Variants in ZNF804A observed in about 807,000 individuals in gnomAD.
The protein encoded by ZNF804A is zinc finger protein 804A.
Under a neutral mutation model 16.5 loss-of-function variants are expected in ZNF804A, and 2 were observed. The observed-to-expected ratio is 0.12, with a 90% CI of 0.05 to 0.38. The LOEUF (loss-of-function observed/expected upper bound fraction) is 0.38, where lower values mean the gene tolerates loss of function less well. Among genes scored for constraint, ZNF804A ranks in the 10% least tolerant of loss-of-function variants. The pLI is 0.99. For missense variants in ZNF804A, 1,473 were observed against 1,390.7 expected, an observed-to-expected ratio of 1.06 and a Z score of -0.94; for synonymous variants, 534 against 489.6, an observed-to-expected ratio of 1.09 and a Z score of -1.20.
At chr2:184,876,359 C>G (rs996110329) in intron 2 of ZNF804A, among the ~76,000 whole-genome samples, 3 of 150,334 alleles carry the variant, frequency 2.0e-5, no homozygotes, top group Non-Finnish European at 4.5e-5. Flanking sequence ...ATGCGCAATA[C>G]AATCACTTCA....
Position 184,914,442 on chromosome 2 carries a change from T to G in ZNF804A, c.256-19161T>G, listed in dbSNP as rs1404238967. Among the ~76,000 whole-genome samples the G allele has an allele frequency of 2.0e-5, 3 of 152,294 alleles. No individual in the cohort carries two copies. The East Asian group carries it at 5.8e-4, about 29-fold the overall frequency. ...AGTTTGTATTTAGGAAAATCCCAGT[T>G]ATGGCTTCCCACCAAATAATAAATT... On this transcript the variant is annotated intron_variant, in intron 2 of 3. Transcript: ENST00000302277.
At position 184,721,916 on chromosome 2, in the gene ZNF804A, AATC is replaced by A. The variant is rs760222138; in HGVS notation, c.111+122849_111+122851del. Among the ~76,000 whole-genome samples the A allele has an allele frequency of 1.2e-4, 19 of 152,242 alleles. 1 individual carries two copies. The highest frequency in any genetic ancestry group is 2.1e-4 in the Non-Finnish European group (14 of 67,996). On this transcript the variant is annotated intron_variant, in intron 1 of 3. Transcript: ENST00000302277. ...GGAATTCTAGGTCATAAAAAAATGA[AATC>A]ATGTCATTTGCAGCAACATGAGTGG... is the stretch of plus-strand genomic sequence containing the variant.
rs562068271 is a variant in ZNF804A, at chr2:184,675,798, C to T, written c.111+76728C>T. Among the ~76,000 whole-genome samples, 8 of 151,850 alleles carry T rather than the reference C, an allele frequency of 5.3e-5. No homozygotes were observed. In the South Asian group the frequency reaches 1.7e-3, roughly 31 times the overall value. ...TTGCAGCATCTGTATTCTGCCCCTA[C>T]TATTCCTGTCATTTCTTTTTTCATT... On this transcript the variant is annotated intron_variant, in intron 1 of 3. Coordinates refer to ENST00000302277, the MANE Select transcript of ZNF804A (RefSeq NM_194250.2).
At chr2:184,687,860 T>C (rs958444789) in intron 1 of ZNF804A, among the ~76,000 whole-genome samples, 1 of 152,216 alleles carries the variant, frequency 6.6e-6, no homozygotes, top group Non-Finnish European at 1.5e-5. Context: ...GGTTCACGCC[T>C]GTAATCCCAG....
At chr2:184,682,604 T>C (rs1027496948) in intron 1 of ZNF804A, among the ~76,000 whole-genome samples, 6 of 152,176 alleles carry the variant, frequency 3.9e-5, no homozygotes, top group African/African-American at 1.4e-4. Flanking sequence ...TAGGCAATTG[T>C]AGTACAGTGA....
At chr2:184,849,167 C>G (rs1408314479) in intron 1 of ZNF804A, among the ~76,000 whole-genome samples, 1 of 152,024 alleles carries the variant, frequency 6.6e-6, no homozygotes, top group Non-Finnish European at 1.5e-5. Context: ...TGAGCCCTCA[C>G]CAGCCACAGT....
chr2:184,687,859 C>G (rs1692663360), intron 1 of ZNF804A, among the ~76,000 whole-genome samples: 1 of 152,180 alleles, frequency 6.6e-6, no homozygotes, highest in Non-Finnish European at 1.5e-5. Flanking sequence ...TGGTTCACGC[C>G]TGTAATCCCA....
At chr2:184,662,693 A>G in intron 1 of ZNF804A, among the ~76,000 whole-genome samples, 1 of 152,350 alleles carries the variant, frequency 6.6e-6, no homozygotes, top group South Asian at 2.1e-4. Flanking sequence ...TAGTAAAATA[A>G]TAATTGTACC....
intron 3 of ZNF804A, among the ~76,000 whole-genome samples, chr2:184,934,230 G>A (rs1220391679): frequency 6.6e-6 from 1 of 152,052 alleles, no homozygotes; most frequent in Non-Finnish European, 1.5e-5. Context: ...AATTCTAACT[G>A]GGCTGTTAGA....
rs781028201 is a variant in ZNF804A, at chr2:184,902,935, T to A, written c.256-30668T>A. Among the ~76,000 whole-genome samples the A allele has an allele frequency of 2.3e-4, 35 of 152,304 alleles. 1 individual carries two copies. The South Asian group carries it at 3.3e-3, about 14-fold the overall frequency. On this transcript the variant is annotated intron_variant, in intron 2 of 3. Coordinates refer to ENST00000302277, the MANE Select transcript of ZNF804A (RefSeq NM_194250.2). ...ACAGTTACAAGGTTTAAAATAATTA[T>A]GTCAAATGGATCAAATAAAAAAGAC...
At chr2:184,780,608 G>T (rs1694358152) in intron 1 of ZNF804A, among the ~76,000 whole-genome samples, 4 of 151,744 alleles carry the variant, frequency 2.6e-5, no homozygotes, top group Admixed American at 2.0e-4. Flanking sequence ...GGTTAAACCT[G>T]ATGGGAGTCA....
At chr2:184,625,143 G>T (rs529012475) in intron 1 of ZNF804A, among the ~76,000 whole-genome samples, 2 of 152,252 alleles carry the variant, frequency 1.3e-5, no homozygotes, top group South Asian at 4.1e-4. Context: ...CAGGTTGGCA[G>T]AAGTGGGAGG....
In ZNF804A at chr2:184,638,809, G is replaced by T. The variant is rs1285930004; in HGVS notation, c.111+39739G>T. ...TTTTTATCTTCATCACATAATTGAT[G>T]CTTACCATACACCATTCGTATTTCC... is the stretch of plus-strand genomic sequence containing the variant. On this transcript the variant is annotated intron_variant, in intron 1 of 3. Transcript: ENST00000302277. Among the ~76,000 whole-genome samples the T allele has an allele frequency of 4.6e-5, 7 of 152,046 alleles. 1 individual carries two copies. Among genetic ancestry groups the T allele is most frequent in the Non-Finnish European group, 1.5e-5 (1 of 68,006 alleles).
Position 184,933,655 on chromosome 2 carries a change from C to G in ZNF804A, c.308C>G (p.Ser103Cys). 1 of 1,609,694 alleles carries G rather than the reference C, an allele frequency of 6.2e-7. No homozygotes were observed. Among genetic ancestry groups the G allele is most frequent in the Non-Finnish European group, 8.5e-7 (1 of 1,178,384 alleles). Reference protein sequence around the residue: ...REFARNVASKSRKDERKQEKA... With the variant: ...REFARNVASKCRKDERKQEKA... ...TTTGCTCGAAATGTAGCATCTAAAT[C>G]CAGGAAAGATGAAAGAAAACAGGAA... The change falls in exon 3 of 4, where the codon TCC (serine) becomes TGC (cysteine). Residue 103 changes from serine (S) to cysteine (C), a missense_variant. By Grantham distance (112) the Ser-to-Cys change is moderately radical (BLOSUM62 -1). Transcript: ENST00000302277.
At chr2:184,670,217 G>A (rs1385543598) in intron 1 of ZNF804A, among the ~76,000 whole-genome samples, 1 of 151,638 alleles carries the variant, frequency 6.6e-6, no homozygotes, top group Non-Finnish European at 1.5e-5. Flanking sequence ...TGTTTATTCT[G>A]AATGTTATGT....
At chr2:184,856,941 G>A (rs978415047) in intron 1 of ZNF804A, among the ~76,000 whole-genome samples, 5 of 152,078 alleles carry the variant, frequency 3.3e-5, no homozygotes, top group African/African-American at 7.2e-5. Context: ...GGTAGATTAT[G>A]TATGTTTATT....
intron 1 of ZNF804A, among the ~76,000 whole-genome samples, chr2:184,824,811 G>T (rs1389701694): frequency 2.0e-5 from 3 of 152,076 alleles, no homozygotes; most frequent in Non-Finnish European, 4.4e-5. Flanking sequence ...GCTCATGCTG[G>T]GACTGGCAGC....
chr2:184,816,581 T>A (rs1694987134), intron 1 of ZNF804A, among the ~76,000 whole-genome samples: 1 of 152,038 alleles, frequency 6.6e-6, no homozygotes, highest in Non-Finnish European at 1.5e-5. Flanking sequence ...TTCTTTAGAA[T>A]TTGATCTTTA....
At chr2:184,729,096 A>C (rs1425298448) in intron 1 of ZNF804A, among the ~76,000 whole-genome samples, 3 of 151,898 alleles carry the variant, frequency 2.0e-5, no homozygotes, top group Admixed American at 1.3e-4. Flanking sequence ...AGACAGGAGG[A>C]ATAACTTTAA....
Sources: allele counts gnomAD v4.1 joint callset (sites outside exome capture counted in the v4.1 genomes callset), GRCh38; gene constraint gnomAD v4.1.1; transcripts MANE v1.5; gene names NCBI Gene and HGNC (gene_info 2026-07-23, HGNC 2026-07-21).